The following MAP2 variants were observed in gnomAD, a reference collection of about 807,000 sequenced individuals.
MAP2 encodes microtubule associated protein 2.
Under a neutral mutation model 137.6 loss-of-function variants are expected in MAP2, and 14 were observed. That is an observed-to-expected ratio of 0.10 (90% CI 0.07 to 0.16). The LOEUF (loss-of-function observed/expected upper bound fraction) is 0.16, where lower values mean the gene tolerates loss of function less well. Among genes scored for constraint, MAP2 ranks in the 10% least tolerant of loss-of-function variants. MAP2 has a pLI of 1.00. For missense variants in MAP2, 2,088 were observed against 2,191.5 expected (o/e 0.95, Z 0.94); for synonymous variants, 786 against 782.3 (o/e 1.00, Z -0.08).
intron 3 of MAP2, among the ~76,000 whole-genome samples, chr2:209,596,803 T>C (rs985631537): frequency 6.6e-6 from 1 of 152,188 alleles, no homozygotes; most frequent in Non-Finnish European, 1.5e-5. Flanking sequence ...TTTAATATTC[T>C]GTTGTTGCAA....
intron 1 of MAP2, among the ~76,000 whole-genome samples, chr2:209,429,881 C>G (rs181769121): frequency 6.9e-4 from 105 of 152,114 alleles, no homozygotes; most frequent in African/African-American, 2.4e-3. Flanking sequence ...AAGTGTTCAT[C>G]AATTTTAAAA....
chr2:209,631,273 C>G (rs1326810414), intron 4 of MAP2, among the ~76,000 whole-genome samples: 1 of 152,006 alleles, frequency 6.6e-6, no homozygotes, highest in Non-Finnish European at 1.5e-5. Context: ...ATGTGGGTGT[C>G]TGTGTGTTTA....
In MAP2 at chr2:209,498,974, T is replaced by C. The variant is rs182660815; in HGVS notation, c.-221-8618T>C. 6.6e-4 allele frequency among the ~76,000 whole-genome samples: 101 copies of C among 152,338 alleles called. 1 individual carries two copies. The highest frequency in any genetic ancestry group is 2.3e-3 in the African/African-American group (95 of 41,572). ...TCATTATGCAAATTTCTCTAGCAAG[T>C]GGTTGTTCCACAGCCTGCTTGAATT... On this transcript the variant is annotated intron_variant, in intron 1 of 15. Transcript: ENST00000682079.
chr2:209,487,259 G>A (rs2058506947), intron 1 of MAP2, among the ~76,000 whole-genome samples: 1 of 152,110 alleles, frequency 6.6e-6, no homozygotes, highest in African/African-American at 2.4e-5. Flanking sequence ...AGAAATCTGT[G>A]GAATGCTCCG....
chr2:209,564,836 A>G (rs957767774), intron 2 of MAP2, among the ~76,000 whole-genome samples: 2 of 152,036 alleles, frequency 1.3e-5, no homozygotes, highest in Non-Finnish European at 2.9e-5. Flanking sequence ...CTCCACTTCC[A>G]TTCTCCTGCC....
At chr2:209,593,649 A>T (rs1195196998) in intron 3 of MAP2, among the ~76,000 whole-genome samples, 2 of 75,466 alleles carry the variant, frequency 2.7e-5, no homozygotes, top group Non-Finnish European at 5.1e-5. Context: ...ATATATATAT[A>T]TATATATATA....
rs1298199039 is a variant in MAP2 at position 209,700,231 on chromosome 2, T to C, written c.4523-46T>C. On this transcript the variant is annotated intron_variant, in intron 10 of 15. Coordinates refer to ENST00000682079, the MANE Select transcript of MAP2 (RefSeq NM_001375505.1). ...AGGTATTTAAAACTGCATTTATGAC[T>C]TTTTAGCAACTAAGTTTGGGGTTGT... The C allele has an allele frequency of 1.9e-6, 3 of 1,546,554 alleles. No individual in the cohort carries two copies. The African/African-American group carries it at 4.1e-5, about 21-fold the overall frequency.
Position 209,692,725 on chromosome 2 carries a change from A to G in MAP2, c.555A>G (p.Gln185=), listed in dbSNP as rs766121095. ...AGAAGGAAAAGGAGTCAGAGAAGCA[A>G]AGTAAGCCTGGTGAAGACCTTAAAC... ...SDQKEKESEK[Q]SKPGEDLKHA... Residue 185 remains glutamine, a synonymous_variant, in exon 8 of 16, where the codon CAA becomes CAG. Transcript: ENST00000682079. The G allele has an allele frequency of 6.2e-7, 1 of 1,614,052 alleles. No individual in the cohort carries two copies. Among genetic ancestry groups the G allele is most frequent in the East Asian group, 2.2e-5 (1 of 44,868 alleles).
chr2:209,502,156 A>G (rs1217252332), intron 1 of MAP2, among the ~76,000 whole-genome samples: 2 of 152,158 alleles, frequency 1.3e-5, no homozygotes, highest in Non-Finnish European at 2.9e-5. Flanking sequence ...TTACAATATT[A>G]TTAACTATAG....
chr2:209,440,987 T>C (rs1697616140), intron 1 of MAP2, among the ~76,000 whole-genome samples: 2 of 151,530 alleles, frequency 1.3e-5, no homozygotes, highest in Admixed American at 6.6e-5. Context: ...GGAGGAAACA[T>C]ACATGTGATA....
chr2:209,709,568 T>TC (rs1373779830), intron 12 of MAP2, among the ~76,000 whole-genome samples: 1 of 152,166 alleles, frequency 6.6e-6, no homozygotes, highest in Non-Finnish European at 1.5e-5. Context: ...CGACACTAAG[T>TC]GTAAACTCTT....
At chr2:209,557,418 G>T (rs186256628) in intron 2 of MAP2, among the ~76,000 whole-genome samples, 3,523 of 151,950 alleles carry the variant, frequency 0.023, 106 homozygotes, top group African/African-American at 0.069. Flanking sequence ...AAAAAATGTG[G>T]TTTTTTTTCC....
chr2:209,475,818 A>G (rs1212548704), intron 1 of MAP2, among the ~76,000 whole-genome samples: 2 of 152,182 alleles, frequency 1.3e-5, no homozygotes, highest in African/African-American at 4.8e-5. Context: ...AGTACAAGAA[A>G]TATGAACACG....
chr2:209,575,458 T>C (rs1258813040), intron 2 of MAP2, among the ~76,000 whole-genome samples: 2 of 141,920 alleles, frequency 1.4e-5, no homozygotes, highest in Non-Finnish European at 1.5e-5. Flanking sequence ...GAGGTGGAGC[T>C]TGCAGTGAGC....
Position 209,704,024 on chromosome 2 carries a change from G to A in MAP2, c.4585-1556G>A, listed in dbSNP as rs143385469. Reference sequence around the variant, plus strand: ...CAGGCTTGTTACAAGGGTATATTACGTGATGCTGAGGTTTGAGCTTATATT... The same window carrying A: ...CAGGCTTGTTACAAGGGTATATTACATGATGCTGAGGTTTGAGCTTATATT... On this transcript the variant is annotated intron_variant, in intron 11 of 15. Transcript: ENST00000682079. The A allele has an allele frequency of 1.0e-3, 461 of 455,280 alleles. 3 individuals are homozygous for A. The highest frequency in any genetic ancestry group is 8.3e-3 in the African/African-American group (418 of 50,066). 28.2% of individuals were successfully genotyped at this position (455,280 alleles called of 1,614,324 possible).
At chr2:209,585,047 T>C (rs923545326) in intron 3 of MAP2, among the ~76,000 whole-genome samples, 1 of 152,020 alleles carries the variant, frequency 6.6e-6, no homozygotes, top group Non-Finnish European at 1.5e-5. Context: ...TGAAGAGGTA[T>C]GTTTAGGACA....
chr2:209,466,131 A>G (rs1341582757), intron 1 of MAP2, among the ~76,000 whole-genome samples: 3 of 152,182 alleles, frequency 2.0e-5, no homozygotes, highest in Non-Finnish European at 4.4e-5. Context: ...AGTCCAAAGA[A>G]TCATAAACTA....
At chr2:209,707,510 A>G (rs759213752) in intron 12 of MAP2, among the ~76,000 whole-genome samples, 12 of 152,114 alleles carry the variant, frequency 7.9e-5, no homozygotes, top group Admixed American at 5.9e-4. Context: ...GAAGGAAACA[A>G]TGTTGTGCAG....
intron 1 of MAP2, among the ~76,000 whole-genome samples, chr2:209,480,807 A>G (rs1165487977): frequency 6.6e-6 from 1 of 152,200 alleles, no homozygotes; most frequent in African/African-American, 2.4e-5. Context: ...GATGGCAGGA[A>G]CCAGGTTTAC....
Sources: gnomAD v4.1 joint callset for allele counts (sites outside exome capture counted in the v4.1 genomes callset) on GRCh38, gnomAD v4.1.1 for gene constraint, MANE v1.5 for transcripts, NCBI Gene and HGNC (gene_info 2026-07-23, HGNC 2026-07-21) for gene names.